Variants in SORCS3 observed in about 807,000 individuals in gnomAD.
The protein encoded by SORCS3 is VPS10 domain-containing receptor SorCS3.
SORCS3 carries 57 observed loss-of-function variants against 146.3 expected under a neutral mutation model. That is an observed-to-expected ratio of 0.39 (90% CI 0.31 to 0.49). The LOEUF is 0.49. Ranked by LOEUF, SORCS3 falls within the 20% of genes least tolerant of loss-of-function variation. The pLI is 0.92. For synonymous variants in SORCS3, 653 were observed against 618.5 expected, an observed-to-expected ratio of 1.06 and a Z score of -0.83; for missense variants, 1,341 against 1,575.5, an observed-to-expected ratio of 0.85 and a Z score of 2.52.
At chr10:104,855,318 T>A (rs2018317956) in intron 2 of SORCS3, among the ~76,000 whole-genome samples, 1 of 152,192 alleles carries the variant, frequency 6.6e-6, no homozygotes, top group Admixed American at 6.5e-5. Context: ...CTTTTCTGTA[T>A]ATATTTTGGA....
At chr10:104,821,696 G>C (rs1397572723) in intron 1 of SORCS3, among the ~76,000 whole-genome samples, 2 of 152,188 alleles carry the variant, frequency 1.3e-5, no homozygotes, top group Non-Finnish European at 2.9e-5. Context: ...TTCTCCCTTT[G>C]TTTTCTCTTC....
intron 4 of SORCS3, among the ~76,000 whole-genome samples, chr10:105,008,911 T>A (rs2055114381): frequency 6.6e-6 from 1 of 152,330 alleles, no homozygotes; most frequent in African/African-American, 2.4e-5. Flanking sequence ...CCTCTCAAAG[T>A]GCTGCGATTA....
chr10:104,821,814 G>A (rs1021003197), intron 1 of SORCS3, among the ~76,000 whole-genome samples: 5 of 152,180 alleles, frequency 3.3e-5, no homozygotes, highest in African/African-American at 1.2e-4. Context: ...CATTAAATCA[G>A]TTATGTGCTT....
At chr10:105,032,958 G>A (rs1455889591) in intron 4 of SORCS3, among the ~76,000 whole-genome samples, 2 of 152,156 alleles carry the variant, frequency 1.3e-5, no homozygotes, top group Admixed American at 6.5e-5. Flanking sequence ...TGTTCAAAGG[G>A]TATGGCTTAA....
At chr10:105,077,158 G>A (rs1337035717) in intron 5 of SORCS3, among the ~76,000 whole-genome samples, 4 of 152,114 alleles carry the variant, frequency 2.6e-5, no homozygotes, top group Non-Finnish European at 1.5e-5. Flanking sequence ...AGTAGGAATT[G>A]TGTCATATTT....
chr10:104,820,404 CT>C (rs2017859628), intron 1 of SORCS3, among the ~76,000 whole-genome samples: 1 of 152,128 alleles, frequency 6.6e-6, no homozygotes, highest in Admixed American at 6.5e-5. Context: ...TAAATATTTA[CT>C]TATTAACAGA....
At chr10:105,146,715 A>C (rs2056133778) in intron 8 of SORCS3, among the ~76,000 whole-genome samples, 1 of 152,154 alleles carries the variant, frequency 6.6e-6, no homozygotes, top group Non-Finnish European at 1.5e-5. Flanking sequence ...ATAGCCATAT[A>C]ATCTGAAACA....
intron 2 of SORCS3, among the ~76,000 whole-genome samples, chr10:104,903,606 C>G (rs1249087966): frequency 6.6e-6 from 1 of 152,068 alleles, no homozygotes; most frequent in South Asian, 2.1e-4. Context: ...CTCTTGGGAC[C>G]CAGGAGTTGT....
intron 5 of SORCS3, among the ~76,000 whole-genome samples, chr10:105,048,747 G>A (rs2055391716): frequency 2.0e-5 from 3 of 151,996 alleles, no homozygotes; most frequent in African/African-American, 7.2e-5. Context: ...TTTCAAGACA[G>A]TCTTTCCTTT....
chr10:104,743,403 C>T (rs957915051), intron 1 of SORCS3, among the ~76,000 whole-genome samples: 64 of 152,174 alleles, frequency 4.2e-4, no homozygotes, highest in Middle Eastern at 3.2e-3. Flanking sequence ...ATTCACTGTA[C>T]GCTAATAACT....
chr10:104,774,259 G>A (rs2017283542), intron 1 of SORCS3, among the ~76,000 whole-genome samples: 1 of 152,148 alleles, frequency 6.6e-6, no homozygotes. Flanking sequence ...TTCTATCCCA[G>A]CCCTTCCCTG....
At chr10:105,223,078 A>G (rs1252087754) in intron 19 of SORCS3, 38 bp from the exon 20 acceptor site, 1 of 1,565,974 alleles carries the variant, frequency 6.4e-7, no homozygotes. Context: ...GACCACATCC[A>G]GAATATAAAC....
At chr10:105,242,543 T>C (rs1359697446) in intron 20 of SORCS3, among the ~76,000 whole-genome samples, 1 of 99,798 alleles carries the variant, frequency 1.0e-5, no homozygotes, top group African/African-American at 4.3e-5. Context: ...TATATATATT[T>C]ATATATTTAT....
At chr10:105,134,440 C>A (rs2056043991) in intron 7 of SORCS3, among the ~76,000 whole-genome samples, 1 of 151,830 alleles carries the variant, frequency 6.6e-6, no homozygotes, top group Non-Finnish European at 1.5e-5. Flanking sequence ...GGCTGGAAAG[C>A]CCAAGATTAA....
intron 7 of SORCS3, among the ~76,000 whole-genome samples, chr10:105,128,491 T>C: frequency 6.6e-6 from 1 of 152,164 alleles, no homozygotes. Context: ...AATGATTTTG[T>C]TTGCCTTGCC....
intron 1 of SORCS3, among the ~76,000 whole-genome samples, chr10:104,767,876 T>C (rs2017200087): frequency 6.6e-6 from 1 of 150,444 alleles, no homozygotes; most frequent in African/African-American, 2.4e-5. Flanking sequence ...TATGAGTCTA[T>C]TAGAGCTTGC....
At chr10:104,918,279 C>T (rs1407564461) in intron 3 of SORCS3, among the ~76,000 whole-genome samples, 1 of 152,090 alleles carries the variant, frequency 6.6e-6, no homozygotes, top group Non-Finnish European at 1.5e-5. Flanking sequence ...AATCATTTTT[C>T]CATGCCAACA....
intron 13 of SORCS3, among the ~76,000 whole-genome samples, chr10:105,168,527 CG>C (rs1373775930): frequency 6.6e-6 from 1 of 152,038 alleles, no homozygotes; most frequent in East Asian, 1.9e-4. Context: ...TACAGTTGGT[CG>C]GATTCACATG....
At chr10:104,742,736 C>G (rs559462748) in intron 1 of SORCS3, among the ~76,000 whole-genome samples, 1 of 152,260 alleles carries the variant, frequency 6.6e-6, no homozygotes, top group African/African-American at 2.4e-5. Context: ...CTGAACCAGT[C>G]AAAGAGTAAG....
Sources: allele counts gnomAD v4.1 joint callset (sites outside exome capture counted in the v4.1 genomes callset), GRCh38; gene constraint gnomAD v4.1.1; transcripts MANE v1.5; gene names NCBI Gene and HGNC (gene_info 2026-07-23, HGNC 2026-07-21).